AUTS2: variants seen among roughly 807,000 people sequenced by gnomAD.
The protein encoded by AUTS2 is activator of transcription and developmental regulator AUTS2, also known as autism susceptibility gene 2 protein.
Under a neutral mutation model 112.4 loss-of-function variants are expected in AUTS2, and 17 were observed. That is an observed-to-expected ratio of 0.15 (90% CI 0.10 to 0.23). AUTS2 has a LOEUF of 0.23. Among genes scored for constraint, AUTS2 ranks in the 10% least tolerant of loss-of-function variants. The probability of loss-of-function intolerance (pLI) is 1.00; values close to 1 mark genes in which losing one functional copy is unlikely to be tolerated. For synonymous variants in AUTS2, 751 were observed against 702.7 expected, an observed-to-expected ratio of 1.07 and a Z score of -1.09; for missense variants, 1,510 against 1,701.6, an observed-to-expected ratio of 0.89 and a Z score of 1.98.
intron 4 of AUTS2, among the ~76,000 whole-genome samples, chr7:70,271,498 A>T (rs1393920137): frequency 6.6e-6 from 1 of 152,200 alleles, no homozygotes; most frequent in Admixed American, 6.5e-5. Context: ...ATTGATAAAA[A>T]TACCATGACA....
chr7:69,862,995 T>G (rs749888996), intron 1 of AUTS2, among the ~76,000 whole-genome samples: 1 of 152,132 alleles, frequency 6.6e-6, no homozygotes, highest in Non-Finnish European at 1.5e-5. Context: ...TCCGAGACGT[T>G]TGGCTCAGAG....
At chr7:70,117,344 A>G (rs1584747579) in intron 2 of AUTS2, among the ~76,000 whole-genome samples, 1 of 152,096 alleles carries the variant, frequency 6.6e-6, no homozygotes, top group South Asian at 2.1e-4. Context: ...TTGAAGGATA[A>G]CATCACAGCA....
chr7:70,278,989 TAAAACTC>T (rs1361715156), intron 4 of AUTS2, among the ~76,000 whole-genome samples: 1 of 152,246 alleles, frequency 6.6e-6, no homozygotes, highest in Admixed American at 6.5e-5. Flanking sequence ...TGAGACTTCT[TAAAACTC>T]AAAATCATTT....
At position 70,790,017 on chromosome 7, in the gene AUTS2, A is replaced by G. The variant is rs774580940; in HGVS notation, c.2801A>G (p.Lys934Arg). The G allele has an allele frequency of 1.3e-6, 2 of 1,592,448 alleles. No homozygotes were observed. The highest frequency in any genetic ancestry group is 1.7e-6 in the Non-Finnish European group (2 of 1,170,052). The change falls in exon 19 of 19, where the codon AAG becomes AGG. Residue 934 changes from lysine to arginine, a missense_variant. Lys to Arg is a conservative substitution (Grantham distance 26, BLOSUM62 2). Transcript: ENST00000342771. This position sits in a 1 kb window ranked among gnomAD's most constrained non-coding sequence, Gnocchi z 7.6. Reference protein sequence around the residue: ...HEGRAAGEEAKQLARVPSPYV... With the variant: ...HEGRAAGEEARQLARVPSPYV... ...GGGCGCGCCGCGGGCGAAGAGGCCA[A>G]GCAGCTGGCCCGGGTGCCGTCTCCC...
chr7:70,631,041 G>A lies in AUTS2; in HGVS notation c.691-67528G>A, dbSNP rs555330951. On this transcript the variant is annotated intron_variant, in intron 5 of 18. Transcript: ENST00000342771. This position sits in a 1 kb window ranked among gnomAD's most constrained non-coding sequence, Gnocchi z 4.5. Reference sequence around the variant, plus strand: ...GGCCCGGCTGGTGTCCCACAGGCTCGGCGCAGTAAGTTCAGATTATTGCTC... The same window carrying A: ...GGCCCGGCTGGTGTCCCACAGGCTCAGCGCAGTAAGTTCAGATTATTGCTC... 6.6e-6 allele frequency among the ~76,000 whole-genome samples: 1 copy of A among 152,220 alleles called. No homozygotes were observed. Among genetic ancestry groups the A allele is most frequent in the East Asian group, 1.9e-4 (1 of 5,170 alleles).
intron 2 of AUTS2, among the ~76,000 whole-genome samples, chr7:69,927,140 T>C (rs1387641517): frequency 6.8e-6 from 1 of 147,114 alleles, no homozygotes; most frequent in African/African-American, 2.5e-5. Context: ...AATGGCAACA[T>C]GAAAGTCTCA....
chr7:70,411,814 C>G (rs973983244), intron 4 of AUTS2, among the ~76,000 whole-genome samples: 3 of 151,880 alleles, frequency 2.0e-5, no homozygotes, highest in South Asian at 4.2e-4. Context: ...AGGTACTAAA[C>G]TGGGATATGA....
chr7:70,744,904 C>T lies in AUTS2; in HGVS notation c.743-17966C>T, dbSNP rs1351460210. Among the ~76,000 whole-genome samples the T allele has an allele frequency of 4.6e-5, 7 of 152,226 alleles. No homozygotes were observed. In the East Asian group the frequency reaches 1.2e-3, roughly 25 times the overall value. ...GCAGGGGACGGTTTCTTCCAGATCA[C>T]CCTTCCAGGTGCTCTGGAGTTGATG... is the stretch of plus-strand genomic sequence containing the variant. On this transcript the variant is annotated intron_variant, in intron 6 of 18. Transcript: ENST00000342771.
intron 6 of AUTS2, among the ~76,000 whole-genome samples, chr7:70,758,370 C>T (rs117833755): frequency 3.3e-5 from 5 of 152,252 alleles, no homozygotes; most frequent in Non-Finnish European, 7.4e-5. Flanking sequence ...TAAACCTCCA[C>T]AGAGGTTGTA....
intron 1 of AUTS2, among the ~76,000 whole-genome samples, chr7:69,742,330 T>G (rs1055744267): frequency 6.6e-6 from 1 of 152,134 alleles, no homozygotes; most frequent in Non-Finnish European, 1.5e-5. Flanking sequence ...CAAAAGGTAG[T>G]TAGCTGGATA....
chr7:69,942,549 A>G (rs1011651728), intron 2 of AUTS2, among the ~76,000 whole-genome samples: 1 of 152,248 alleles, frequency 6.6e-6, no homozygotes, highest in South Asian at 2.1e-4. Flanking sequence ...TTTCTACTGG[A>G]AAGAAAGCCC....
chr7:70,271,397 T>C (rs575091953), intron 4 of AUTS2, among the ~76,000 whole-genome samples: 2 of 152,240 alleles, frequency 1.3e-5, no homozygotes, highest in South Asian at 4.2e-4. Context: ...TTATCAGCAG[T>C]GCTACCTTTC....
At chr7:70,433,868 A>T (rs1795779229) in intron 4 of AUTS2, among the ~76,000 whole-genome samples, 1 of 152,218 alleles carries the variant, frequency 6.6e-6, no homozygotes, top group African/African-American at 2.4e-5. Flanking sequence ...GTCCATTTAG[A>T]TGGGTGTTCT....
intron 2 of AUTS2, among the ~76,000 whole-genome samples, chr7:70,065,856 CT>C (rs1342639252): frequency 6.6e-6 from 1 of 152,102 alleles, no homozygotes; most frequent in East Asian, 1.9e-4. Flanking sequence ...CAGGTGTATG[CT>C]ACCATGCACA....
At chr7:69,848,754 A>G (rs1407129914) in intron 1 of AUTS2, among the ~76,000 whole-genome samples, 2 of 152,176 alleles carry the variant, frequency 1.3e-5, no homozygotes, top group Non-Finnish European at 1.5e-5. Context: ...AAGACTGTCT[A>G]GGGAAGGAGC....
chr7:70,280,129 A>G (rs1788135812), intron 4 of AUTS2, among the ~76,000 whole-genome samples: 1 of 152,170 alleles, frequency 6.6e-6, no homozygotes, highest in Admixed American at 6.5e-5. Flanking sequence ...ATGTCTGCAC[A>G]TAATAAGGGC....
chr7:70,229,006 T>G (rs1206465355), intron 4 of AUTS2, among the ~76,000 whole-genome samples: 1 of 151,932 alleles, frequency 6.6e-6, no homozygotes, highest in Non-Finnish European at 1.5e-5. Context: ...TCTCTCTTTC[T>G]TTGTGCTACT....
intron 14 of AUTS2, among the ~76,000 whole-genome samples, chr7:70,779,726 G>A (rs1790942553): frequency 6.6e-6 from 1 of 152,134 alleles, no homozygotes; most frequent in Non-Finnish European, 1.5e-5. Flanking sequence ...AGCATCAGAT[G>A]AGTCCGGGAG....
chr7:69,780,717 C>T (rs1789109416), intron 1 of AUTS2, among the ~76,000 whole-genome samples: 1 of 152,206 alleles, frequency 6.6e-6, no homozygotes, highest in South Asian at 2.1e-4. Flanking sequence ...GCAGTAGAAT[C>T]TAGGGACAAA....
Sources: gnomAD v4.1 joint callset for allele counts (sites outside exome capture counted in the v4.1 genomes callset) on GRCh38, gnomAD v4.1.1 for gene constraint, Gnocchi (gnomAD v3.1) non-coding constraint, MANE v1.5 for transcripts, NCBI Gene and HGNC (gene_info 2026-07-23, HGNC 2026-07-21) for gene names.